The following CD300A variants were observed in gnomAD, a reference collection of about 807,000 sequenced individuals.
CD300A encodes the protein CMRF35-like molecule 8.
Under a neutral mutation model 33.6 loss-of-function variants are expected in CD300A, and 22 were observed. The observed-to-expected ratio is 0.66, with a 90% CI of 0.47 to 0.94. The LOEUF is 0.94. Among genes scored for constraint, CD300A ranks in the 40% least tolerant of loss-of-function variants. CD300A has a pLI of 0.00. For synonymous variants in CD300A, 136 were observed against 148.1 expected (o/e 0.92, Z 0.59); for missense variants, 326 against 360.5 (o/e 0.90, Z 0.77).
intron 6 of CD300A, 34 bp from the exon 7 acceptor site, chr17:74,483,967 C>T (rs1907088945): frequency 2.5e-6 from 4 of 1,610,498 alleles, no homozygotes; most frequent in East Asian, 2.2e-5. Flanking sequence ...CCTTGCCTCT[C>T]CCAAGTCTTC....
At chr17:74,466,561 G>A, upstream of CD300A, 1 of 960,012 alleles carries the variant, frequency 1.0e-6, no homozygotes, top group Non-Finnish European at 1.6e-6. Context: ...CCGGCTCCAG[G>A]AATAGAACCA....
intron 1 of CD300A, among the ~76,000 whole-genome samples, chr17:74,471,225 A>G (rs1906080318): frequency 6.6e-6 from 1 of 152,248 alleles, no homozygotes; most frequent in South Asian, 2.1e-4. Flanking sequence ...CTAGAAAATA[A>G]CTTTCATCTA....
At chr17:74,471,596 G>A (rs1053564694) in intron 1 of CD300A, among the ~76,000 whole-genome samples, 2 of 152,230 alleles carry the variant, frequency 1.3e-5, no homozygotes, top group East Asian at 3.8e-4. Context: ...GGGTAGAGAT[G>A]TAAACGCAGA....
At chr17:74,477,735 C>T (rs1906570102) in intron 4 of CD300A, among the ~76,000 whole-genome samples, 1 of 152,096 alleles carries the variant, frequency 6.6e-6, no homozygotes, top group Admixed American at 6.5e-5. Flanking sequence ...AGGTGGCTCC[C>T]AAGCAGGAGG....
intron 1 of CD300A, 35 bp downstream of exon 1, chr17:74,466,778 G>T: frequency 6.4e-7 from 1 of 1,570,614 alleles, no homozygotes; most frequent in African/African-American, 1.3e-5. Flanking sequence ...GTCTGCGGCA[G>T]GGAGGGAGGG....
intron 6 of CD300A, among the ~76,000 whole-genome samples, chr17:74,482,110 C>T (rs1007727696): frequency 1.3e-5 from 2 of 152,068 alleles, no homozygotes; most frequent in African/African-American, 2.4e-5. Flanking sequence ...TGCTGTGTAT[C>T]GTGAGCCAAG....
intron 1 of CD300A, among the ~76,000 whole-genome samples, chr17:74,473,097 T>C (rs1016616659): frequency 6.6e-6 from 1 of 151,326 alleles, no homozygotes; most frequent in Admixed American, 6.6e-5. Flanking sequence ...AGGAGGCCCC[T>C]GGTGGGTGAG....
intron 3 of CD300A, among the ~76,000 whole-genome samples, 155 bp from the exon 4 acceptor site, chr17:74,477,281 G>A (rs1200789011): frequency 6.6e-6 from 1 of 152,060 alleles, no homozygotes; most frequent in East Asian, 1.9e-4. Context: ...GAGCCCAGGG[G>A]TTCAAGGCTG....
At chr17:74,483,394 T>A (rs1409829884) in intron 6 of CD300A, among the ~76,000 whole-genome samples, 1 of 150,632 alleles carries the variant, frequency 6.6e-6, no homozygotes, top group Admixed American at 6.6e-5. Context: ...AGTCCCACTC[T>A]GTCGCCAGGC....
intron 6 of CD300A, 43 bp downstream of exon 6, chr17:74,481,876 T>C (rs766271080): frequency 4.1e-6 from 6 of 1,463,058 alleles, no homozygotes; most frequent in Non-Finnish European, 5.6e-6. Flanking sequence ...GCCCCTGGGC[T>C]GTGCCAGGGC....
In CD300A at chr17:74,481,519, C is replaced by T. The variant is rs1440656336; in HGVS notation, c.666+193C>T. 8 of 656,552 alleles carry T rather than the reference C, an allele frequency of 1.2e-5. No individual in the cohort carries two copies. In the Admixed American group the frequency reaches 2.1e-4, roughly 18 times the overall value. 40.7% of individuals were successfully genotyped at this position (656,552 alleles called of 1,614,324 possible). On this transcript the variant is annotated intron_variant, in intron 5 of 6. Transcript: ENST00000360141. Reference sequence around the variant, plus strand: ...TCCTGGCCAGCCTGTCCCCTCCCCACCAAGGCAAATGGAATGAAGGGAGGC... The same window carrying T: ...TCCTGGCCAGCCTGTCCCCTCCCCATCAAGGCAAATGGAATGAAGGGAGGC...
Position 74,480,738 on chromosome 17 carries a change from C to CCTTT in CD300A, c.629-538_629-535dup, listed in dbSNP as rs67018651. 5.9e-5 allele frequency among the ~76,000 whole-genome samples: 9 copies of CCTTT among 151,716 alleles called. No individual in the cohort carries two copies. The highest frequency in any genetic ancestry group is 3.4e-3 in the Middle Eastern group (1 of 294). On this transcript the variant is annotated intron_variant, in intron 4 of 6. Transcript: ENST00000360141. This position sits in a 1 kb window ranked among gnomAD's most constrained non-coding sequence, Gnocchi z 4.2. Reference sequence around the variant, plus strand: ...TCTCCTCCAGCTGGGAGCTTTCTTTCCTTTCTTTCTTTCTTTTTTTCGTTT... The same window carrying CCTTT: ...TCTCCTCCAGCTGGGAGCTTTCTTTCCTTTCTTTCTTTCTTTCTTTTTTTCGTTT...
intron 4 of CD300A, among the ~76,000 whole-genome samples, chr17:74,479,589 T>G (rs1278411120): frequency 1.3e-5 from 2 of 152,154 alleles, no homozygotes; most frequent in African/African-American, 4.8e-5. Context: ...TAAACCTACA[T>G]TTTTGCACTT....
Position 74,466,675 on chromosome 17 carries a change from C to A in CD300A, c.-29C>A. On this transcript the variant is annotated 5_prime_UTR_variant, in exon 1 of 7. Transcript: ENST00000360141. ...GTCCAGGTAGGGCCTGGAGCTGCTGCAAGTGCCGCCTGTGCTGGGGAAGGG... is the reference window on the plus strand; with the variant it reads ...GTCCAGGTAGGGCCTGGAGCTGCTGAAAGTGCCGCCTGTGCTGGGGAAGGG... 2 of 1,585,650 alleles carry A rather than the reference C, an allele frequency of 1.3e-6. No individual in the cohort carries two copies. Among genetic ancestry groups the A allele is most frequent in the Non-Finnish European group, 8.6e-7 (1 of 1,165,438 alleles).
intron 1 of CD300A, 100 bp downstream of exon 1, chr17:74,466,843 T>C: frequency 1.3e-6 from 2 of 1,544,758 alleles, no homozygotes; most frequent in Admixed American, 2.0e-5. Flanking sequence ...GAGTCTGGAC[T>C]CCGTGCAGAA....
intron 4 of CD300A, 144 bp from the exon 5 acceptor site, chr17:74,481,145 G>T (rs1038842215): frequency 3.0e-6 from 2 of 658,962 alleles, no homozygotes; most frequent in African/African-American, 3.6e-5. Flanking sequence ...AAACCCTTGA[G>T]TTCCTACCAT....
rs140153269 is a variant in CD300A, at chr17:74,480,173, C to T, written c.629-1116C>T. 9.2e-5 allele frequency among the ~76,000 whole-genome samples: 14 copies of T among 152,286 alleles called. No homozygotes were observed. The East Asian group carries it at 2.5e-3, about 27-fold the overall frequency. Reference sequence around the variant, plus strand: ...AGGGCACTTCGCACCCCAGAGTACCCGGCTGCGCACTCCATTAGGTCAGCT... The same window carrying T: ...AGGGCACTTCGCACCCCAGAGTACCTGGCTGCGCACTCCATTAGGTCAGCT... On this transcript the variant is annotated intron_variant, in intron 4 of 6. Transcript: ENST00000360141. The surrounding 1 kb of genome is among the most constrained non-coding windows in gnomAD (Gnocchi z 4.2).
chr17:74,467,454 A>G (rs1164076540), intron 1 of CD300A, among the ~76,000 whole-genome samples: 1 of 152,068 alleles, frequency 6.6e-6, no homozygotes, highest in Non-Finnish European at 1.5e-5. Flanking sequence ...CGAGGAGGGA[A>G]AAGATCGGGC....
intron 6 of CD300A, among the ~76,000 whole-genome samples, chr17:74,482,521 C>G (rs8079099): frequency 0.29 from 43,245 of 150,838 alleles, 12,458 homozygotes; most frequent in African/African-American, 0.75. Context: ...ACCGTTCTCC[C>G]CAGGCCGCCG....
Sources: allele counts gnomAD v4.1 joint callset (sites outside exome capture counted in the v4.1 genomes callset), GRCh38; gene constraint gnomAD v4.1.1; non-coding constraint Gnocchi (gnomAD v3.1); transcripts MANE v1.5; gene names NCBI Gene and HGNC (gene_info 2026-07-23, HGNC 2026-07-21).